Variants in LSM12 observed in about 807,000 individuals in gnomAD.
The protein encoded by LSM12 is protein LSM12.
For missense variants in LSM12, 108 were observed against 238.9 expected, an observed-to-expected ratio of 0.45 and a Z score of 3.61; for synonymous variants, 74 against 87.3, an observed-to-expected ratio of 0.85 and a Z score of 0.85.
At chr17:44,044,827 A>G (rs966572897) in intron 2 of LSM12, among the ~76,000 whole-genome samples, 9 of 152,162 alleles carry the variant, frequency 5.9e-5, no homozygotes, top group Non-Finnish European at 1.0e-4. Flanking sequence ...TCTACCCTCA[A>G]TTTAGCTGCT....
At chr17:44,052,935 G>A (rs948554438) in intron 2 of LSM12, among the ~76,000 whole-genome samples, 4 of 151,968 alleles carry the variant, frequency 2.6e-5, no homozygotes, top group African/African-American at 9.7e-5. Context: ...CATGCTGTCT[G>A]AAAAATAAAT....
chr17:44,053,784 T>C (rs1240997063), intron 2 of LSM12, among the ~76,000 whole-genome samples: 1 of 152,140 alleles, frequency 6.6e-6, no homozygotes, highest in Admixed American at 6.6e-5. Context: ...TTTGCTTCAA[T>C]CTCCAGGGTA....
chr17:44,062,221 C>CA (rs529081923), intron 2 of LSM12, among the ~76,000 whole-genome samples: 29,219 of 63,572 alleles, frequency 0.46, 7,139 homozygotes, highest in Middle Eastern at 0.61. Context: ...GACTCCGTCT[C>CA]AAAAAAAAAA....
intron 2 of LSM12, among the ~76,000 whole-genome samples, chr17:44,058,989 C>T (rs1202318322): frequency 2.6e-5 from 4 of 151,828 alleles, no homozygotes; most frequent in Non-Finnish European, 5.9e-5. Flanking sequence ...GGGCACAGTG[C>T]GAGACTAACT....
intron 2 of LSM12, among the ~76,000 whole-genome samples, chr17:44,053,682 A>G (rs910305448): frequency 2.0e-5 from 3 of 152,200 alleles, no homozygotes; most frequent in African/African-American, 7.2e-5. Context: ...CACAGTTGGA[A>G]AAACACTGCT....
intron 2 of LSM12, among the ~76,000 whole-genome samples, chr17:44,051,346 G>A (rs895198348): frequency 2.7e-5 from 4 of 146,022 alleles, no homozygotes; most frequent in African/African-American, 7.8e-5. Flanking sequence ...AACCAAGATC[G>A]TGCCACTGCT....
At chr17:44,055,235 A>G (rs1024026786) in intron 2 of LSM12, among the ~76,000 whole-genome samples, 18 of 152,164 alleles carry the variant, frequency 1.2e-4, no homozygotes, top group African/African-American at 4.1e-4. Flanking sequence ...TGCTTGCCTT[A>G]GACAAGTGGT....
chr17:44,046,938 G>A (rs1285233985), intron 2 of LSM12, among the ~76,000 whole-genome samples: 1 of 151,068 alleles, frequency 6.6e-6, no homozygotes, highest in African/African-American at 2.4e-5. Flanking sequence ...CACTATGTTG[G>A]CCAGGCTGGT....
At chr17:44,044,085 C>A (rs1282104630) in intron 2 of LSM12, among the ~76,000 whole-genome samples, 1 of 152,084 alleles carries the variant, frequency 6.6e-6, no homozygotes, top group African/African-American at 2.4e-5. Flanking sequence ...TACATAGCAG[C>A]TTAAAAACAT....
intron 2 of LSM12, among the ~76,000 whole-genome samples, chr17:44,058,129 C>T (rs1034739698): frequency 6.6e-6 from 1 of 151,248 alleles, no homozygotes; most frequent in African/African-American, 2.4e-5. Flanking sequence ...CCCAGCTACT[C>T]GGGAGGCTGA....
chr17:44,066,477 T>C lies in LSM12; in HGVS notation c.111A>G (p.Lys37=), dbSNP rs781179298. Residue 37 remains lysine, a synonymous_variant, in exon 1 of 5, where the codon AAA becomes AAG. Transcript: ENST00000293406. The part of the protein sequence containing the change: ...GEVVAFDYQS[K]MLALKCPSSS... ...AGGGAAGGATACTTAAAGCCAGCAT[T>C]TTGGATTGGTAGTCAAAGGCTACCA... The C allele has an allele frequency of 2.0e-5, 31 of 1,551,280 alleles. No homozygotes were observed. The highest frequency in any genetic ancestry group is 4.2e-5 in the African/African-American group (3 of 70,800).
rs1162607686 is a variant in LSM12, at chr17:44,036,441, G to A, written c.496-141C>T. ...GGCACCTTTGCCCTTGCTGTCTATT[G>A]GCCTTCCCAACCACAAGGTAGGCCA... is the stretch of plus-strand genomic sequence containing the variant. On this transcript the variant is annotated intron_variant, in intron 4 of 4. Coordinates refer to ENST00000293406, the MANE Select transcript of LSM12 (RefSeq NM_001371445.1). 4 of 1,092,554 alleles carry A rather than the reference G, an allele frequency of 3.7e-6. No homozygotes were observed. In the African/African-American group the frequency reaches 4.7e-5, roughly 13 times the overall value. 67.7% of individuals were successfully genotyped at this position (1,092,554 alleles called of 1,614,324 possible).
rs529081923 is a variant in LSM12 at position 44,062,221 on chromosome 17, C to CAAA, written c.258+1577_258+1579dup. ...TGGGCGACAAAGCGAGACTCCGTCTCAAAAAAAAAAAAAAAAAAAAAAGCT... is the reference window on the plus strand; with the variant it reads ...TGGGCGACAAAGCGAGACTCCGTCTCAAAAAAAAAAAAAAAAAAAAAAAAAGCT... On this transcript the variant is annotated intron_variant, in intron 2 of 4. Coordinates refer to ENST00000293406, the MANE Select transcript of LSM12 (RefSeq NM_001371445.1). Among the ~76,000 whole-genome samples the CAAA allele has an allele frequency of 2.2e-3, 137 of 62,512 alleles. 2 individuals are homozygous for CAAA. Among genetic ancestry groups the CAAA allele is most frequent in the South Asian group, 2.7e-3 (4 of 1,464 alleles). The allele number at this position is 62,512 out of a possible 152,430, so 41.0% of individuals were successfully genotyped here. A position where few individuals can be genotyped will look rare whatever the true frequency, so the allele number is the denominator to read the frequency against.
intron 2 of LSM12, among the ~76,000 whole-genome samples, chr17:44,051,535 AAAGT>A (rs1235040354): frequency 6.6e-6 from 1 of 152,114 alleles, no homozygotes; most frequent in Non-Finnish European, 1.5e-5. Context: ...CCTAAGTGAC[AAAGT>A]AAGACCCTAT....
At chr17:44,059,341 C>T (rs914058938) in intron 2 of LSM12, among the ~76,000 whole-genome samples, 1 of 152,092 alleles carries the variant, frequency 6.6e-6, no homozygotes, top group Non-Finnish European at 1.5e-5. Flanking sequence ...ATAATCCTAA[C>T]ACTTTAGGAG....
intron 1 of LSM12, 88 bp from the exon 2 acceptor site, chr17:44,064,022 C>G (rs1165619336): frequency 2.7e-6 from 4 of 1,476,284 alleles, no homozygotes; most frequent in Non-Finnish European, 3.7e-6. Flanking sequence ...ACGATTCACA[C>G]AAGGCTTGTA....
chr17:44,040,253 C>T lies in LSM12; in HGVS notation c.262G>A (p.Ala88Thr), dbSNP rs1354094077. ...TCCTTCTCTGTCCGTGCTTTGCTGGCAAGCTAGGGTGGAAGAGAGGAAAGA... is the reference window on the plus strand; with the variant it reads ...TCCTTCTCTGTCCGTGCTTTGCTGGTAAGCTAGGGTGGAAGAGAGGAAAGA... Reference protein sequence around the residue: ...PLASLNVSKLASKARTEKEEK... With the variant: ...PLASLNVSKLTSKARTEKEEK... Residue 88 changes from alanine to threonine, a missense_variant, in exon 3 of 5, where the codon GCC becomes ACC. Physicochemically the swap from Ala to Thr is moderately conservative, Grantham distance 58. Transcript: ENST00000293406. 1.9e-6 allele frequency: 3 copies of T among 1,612,642 alleles called. No individual in the cohort carries two copies. The highest frequency in any genetic ancestry group is 1.7e-5 in the Admixed American group (1 of 59,994).
At chr17:44,045,762 A>G (rs941856567) in intron 2 of LSM12, among the ~76,000 whole-genome samples, 2 of 151,730 alleles carry the variant, frequency 1.3e-5, no homozygotes, top group Non-Finnish European at 2.9e-5. Flanking sequence ...TTGTAGAGAC[A>G]GGGTTTCACC....
At chr17:44,041,695 A>G (rs183571120) in intron 2 of LSM12, among the ~76,000 whole-genome samples, 2 of 152,306 alleles carry the variant, frequency 1.3e-5, no homozygotes, top group Admixed American at 1.3e-4. Flanking sequence ...ACAATCTCGT[A>G]ACTTCTACCC....
Sources: allele counts gnomAD v4.1 joint callset (sites outside exome capture counted in the v4.1 genomes callset), GRCh38; gene constraint gnomAD v4.1.1; transcripts MANE v1.5; gene names NCBI Gene and HGNC (gene_info 2026-07-23, HGNC 2026-07-21).